KDM2A: variants seen among roughly 807,000 people sequenced by gnomAD.
The protein encoded by KDM2A is lysine-specific demethylase 2A.
In KDM2A, 3 loss-of-function variants were observed where a neutral mutation model predicts 137.3. The ratio of observed to expected loss-of-function variants is 0.02; its 90% CI spans 0.01 to 0.06. KDM2A has a LOEUF of 0.06. KDM2A is among the 10% of genes least tolerant of loss of function. The probability of loss-of-function intolerance (pLI) is 1.00; values close to 1 mark genes in which losing one functional copy is unlikely to be tolerated. For synonymous variants in KDM2A, 512 were observed against 541.5 expected, an observed-to-expected ratio of 0.95 and a Z score of 0.76; for missense variants, 738 against 1,510.6, an observed-to-expected ratio of 0.49 and a Z score of 8.48.
chr11:67,224,604 G>C (rs1319474170), intron 10 of KDM2A, among the ~76,000 whole-genome samples: 1 of 149,736 alleles, frequency 6.7e-6, no homozygotes, highest in Non-Finnish European at 1.5e-5. Flanking sequence ...AGTAGCTGGG[G>C]CTACAGGCAC....
At chr11:67,181,979 T>C in intron 5 of KDM2A, 87 bp downstream of exon 5, 2 of 1,100,040 alleles carry the variant, frequency 1.8e-6, no homozygotes, top group Non-Finnish European at 2.8e-6. Flanking sequence ...ATTTAAGGCC[T>C]AGGAACATTG....
At chr11:67,209,228 G>A (rs1226219144) in intron 6 of KDM2A, among the ~76,000 whole-genome samples, 1 of 150,946 alleles carries the variant, frequency 6.6e-6, no homozygotes. Context: ...CCACCACACC[G>A]GGCCGAAAGG....
intron 2 of KDM2A, among the ~76,000 whole-genome samples, chr11:67,176,688 G>A (rs1856978447): frequency 6.6e-6 from 1 of 152,134 alleles, no homozygotes; most frequent in African/African-American, 2.4e-5. Context: ...CTACAAATCT[G>A]TACAGCATGT....
In KDM2A at chr11:67,257,826, T is replaced by C. The variant is rs907284510; in HGVS notation, c.*2771T>C. 5.9e-5 allele frequency: 9 copies of C among 152,146 alleles called. No homozygotes were observed. The highest frequency in any genetic ancestry group is 1.9e-4 in the East Asian group (1 of 5,200). The allele number at this position is 152,146 out of a possible 1,614,324, so 9.4% of individuals were successfully genotyped here. A position where few individuals can be genotyped will look rare whatever the true frequency, so the allele number is the denominator to read the frequency against. On this transcript the variant is annotated 3_prime_UTR_variant, in exon 21 of 21. Transcript: ENST00000529006. ...GTCTTATGCTATCTCAGTTGACACA[T>C]TGAGGTTATTTTGGGCCAGAGAAGG...
At chr11:67,196,378 G>A (rs538400703) in intron 5 of KDM2A, 327 of 455,998 alleles carry the variant, frequency 7.2e-4, no homozygotes, top group Middle Eastern at 2.0e-3. Context: ...GGACTCAAGC[G>A]ATCTTCCTGC....
At chr11:67,186,381 C>G (rs987129132) in intron 5 of KDM2A, among the ~76,000 whole-genome samples, 1 of 152,182 alleles carries the variant, frequency 6.6e-6, no homozygotes, top group Non-Finnish European at 1.5e-5. Context: ...CAAAACAAAA[C>G]TGTCAACCAA....
At chr11:67,242,395 C>G (rs1859072827) in intron 12 of KDM2A, among the ~76,000 whole-genome samples, 1 of 152,166 alleles carries the variant, frequency 6.6e-6, no homozygotes, top group Non-Finnish European at 1.5e-5. Flanking sequence ...GCACATTAGG[C>G]TGTACCATTC....
At chr11:67,146,408 A>C (rs543845867) in intron 2 of KDM2A, among the ~76,000 whole-genome samples, 2 of 152,244 alleles carry the variant, frequency 1.3e-5, no homozygotes, top group East Asian at 3.9e-4. Flanking sequence ...TATTTATCAG[A>C]GCATTGACAG....
rs1856535383 is a variant in KDM2A, at chr11:67,157,213, TGA to T, written c.43-22864_43-22863del. Among the ~76,000 whole-genome samples the T allele has an allele frequency of 5.4e-5, 8 of 148,906 alleles. No homozygotes were observed. In the South Asian group the frequency reaches 1.7e-3, roughly 31 times the overall value. On this transcript the variant is annotated intron_variant, in intron 2 of 20. Transcript: ENST00000529006. ...CTGTAGTCCCAGCTACTCAGGAGGC[TGA>T]GGCAGGAGAATGGCATGAACCCGGG...
intron 2 of KDM2A, among the ~76,000 whole-genome samples, chr11:67,173,479 A>T (rs1018835519): frequency 1.3e-5 from 2 of 152,064 alleles, no homozygotes; most frequent in Admixed American, 6.6e-5. Flanking sequence ...GCTGGTCTCC[A>T]GCTCCTGACC....
intron 2 of KDM2A, among the ~76,000 whole-genome samples, chr11:67,122,482 A>C (rs947820148): frequency 1.3e-5 from 2 of 151,856 alleles, no homozygotes; most frequent in African/African-American, 4.8e-5. Context: ...ATGTGCCACC[A>C]CGTCCAGCTA....
At chr11:67,168,723 G>T (rs1182586703) in intron 2 of KDM2A, among the ~76,000 whole-genome samples, 1 of 151,612 alleles carries the variant, frequency 6.6e-6, no homozygotes, top group Non-Finnish European at 1.5e-5. Context: ...GTGTGACCTG[G>T]CAGCAGTGCT....
intron 15 of KDM2A, 103 bp from the exon 16 acceptor site, chr11:67,248,178 G>A: frequency 3.6e-6 from 3 of 843,932 alleles, no homozygotes; most frequent in Non-Finnish European, 5.8e-6. Context: ...TCCCTTTATG[G>A]ACCAATGTTG....
intron 2 of KDM2A, among the ~76,000 whole-genome samples, chr11:67,127,469 CA>C (rs922499050): frequency 6.8e-6 from 1 of 147,166 alleles, no homozygotes; most frequent in Non-Finnish European, 1.5e-5. Flanking sequence ...TTTCACCTAG[CA>C]AAAAAAAATA....
intron 2 of KDM2A, 106 bp from the exon 3 acceptor site, chr11:67,179,973 A>C (rs547874002): frequency 9.2e-6 from 10 of 1,088,592 alleles, no homozygotes; most frequent in African/African-American, 1.6e-5. Flanking sequence ...GAAAATAGCA[A>C]CTGAGTTTGA....
At chr11:67,124,983 G>A (rs1339298962) in intron 2 of KDM2A, among the ~76,000 whole-genome samples, 5 of 147,312 alleles carry the variant, frequency 3.4e-5, no homozygotes, top group Non-Finnish European at 7.5e-5. Context: ...TCAGACTCCC[G>A]AGTAGCTAGG....
At position 67,217,680 on chromosome 11, in the gene KDM2A, G is replaced by C. The variant is rs192963868; in HGVS notation, c.688-51G>C. On this transcript the variant is annotated intron_variant, in intron 8 of 20. Transcript: ENST00000529006. Reference sequence around the variant, plus strand: ...TACCTGTTTATCAGTTGAGGGAGACGACTGGGTCATGTCAATGGCTGTTAA... The same window carrying C: ...TACCTGTTTATCAGTTGAGGGAGACCACTGGGTCATGTCAATGGCTGTTAA... The C allele has an allele frequency of 2.5e-6, 4 of 1,587,386 alleles. No homozygotes were observed. In the Admixed American group the frequency reaches 6.9e-5, roughly 27 times the overall value.
At chr11:67,220,188 A>G (rs370956569) in intron 10 of KDM2A, among the ~76,000 whole-genome samples, 2 of 151,186 alleles carry the variant, frequency 1.3e-5, no homozygotes, top group Admixed American at 6.6e-5. Flanking sequence ...ATTTTTTTGT[A>G]TTTTTTGGAG....
intron 15 of KDM2A, among the ~76,000 whole-genome samples, chr11:67,247,059 AT>A: frequency 4.4e-5 from 1 of 22,538 alleles, no homozygotes; most frequent in South Asian, 1.8e-3. Context: ...ATATATATAT[AT>A]ATATATATAT....
Sources: gnomAD v4.1 joint callset for allele counts (sites outside exome capture counted in the v4.1 genomes callset) on GRCh38, gnomAD v4.1.1 for gene constraint, MANE v1.5 for transcripts, NCBI Gene and HGNC (gene_info 2026-07-23, HGNC 2026-07-21) for gene names.